The following GIT2 variants were observed in gnomAD, a reference collection of about 807,000 sequenced individuals.
GIT2 encodes the protein ARF GTPase-activating protein GIT2.
GIT2 carries 32 observed loss-of-function variants against 100.3 expected under a neutral mutation model. The observed-to-expected ratio is 0.32, with a 90% CI of 0.24 to 0.43. The LOEUF (loss-of-function observed/expected upper bound fraction) is 0.43. GIT2 is among the 20% of genes least tolerant of loss of function. The pLI is 1.00. For missense variants in GIT2, 737 were observed against 975.1 expected, an observed-to-expected ratio of 0.76 and a Z score of 3.25; for synonymous variants, 353 against 364.1, an observed-to-expected ratio of 0.97 and a Z score of 0.35.
At chr12:109,994,184 TAAGAC>T (rs1396308795) in intron 1 of GIT2, among the ~76,000 whole-genome samples, 5 of 151,990 alleles carry the variant, frequency 3.3e-5, no homozygotes, top group African/African-American at 1.2e-4. Flanking sequence ...ACATATTAAT[TAAGAC>T]AAGTATTCGA....
chr12:109,947,321 G>T lies in GIT2; in HGVS notation c.1576C>A (p.Leu526Ile). 3 of 1,614,102 alleles carry T rather than the reference G, an allele frequency of 1.9e-6. No individual in the cohort carries two copies. The highest frequency in any genetic ancestry group is 1.7e-5 in the Admixed American group (1 of 60,032). The change falls in exon 15 of 20, where the codon CTC becomes ATC. Residue 526 changes from leucine to isoleucine, a missense_variant. Leu to Ile is a conservative substitution (Grantham distance 5). Coordinates refer to ENST00000355312, the MANE Select transcript of GIT2 (RefSeq NM_057169.5). The surrounding 1 kb of genome is among the most constrained non-coding windows in gnomAD (Gnocchi z 4.3). ...YETGSGQKPY[L>I]PMGEASRPEE... is the part of the protein sequence containing the mutation. ...GGGCGGCTCGCTTCTCCCATTGGGA[G>T]ATATGGTTTCTGACCTGATCCGGTC...
chr12:109,988,959 C>CCACCTTGCTAAGATCTTTGGCAGT lies in GIT2; in HGVS notation c.385_405+3dup. ...TTTTAGGGATTTTAAAAGGTGTGAC[C>CCACCTTGCTAAGATCTTTGGCAGT]CACCTTGCTAAGATCTTTGGCAGTC... On this transcript the variant is annotated splice_donor_region_variant and intron_variant, in intron 4 of 19. Coordinates refer to ENST00000355312, the MANE Select transcript of GIT2 (RefSeq NM_057169.5). 1.9e-6 allele frequency: 3 copies of CCACCTTGCTAAGATCTTTGGCAGT among 1,538,594 alleles called. No homozygotes were observed. The highest frequency in any genetic ancestry group is 2.7e-6 in the Non-Finnish European group (3 of 1,111,206).
intron 7 of GIT2, among the ~76,000 whole-genome samples, chr12:109,979,493 T>C (rs1885862779): frequency 6.6e-6 from 1 of 152,086 alleles, no homozygotes; most frequent in Non-Finnish European, 1.5e-5. Context: ...CAGGATGATC[T>C]GGATCTCCTG....
chr12:109,992,775 G>A (rs887839000), intron 1 of GIT2, among the ~76,000 whole-genome samples: 9 of 151,598 alleles, frequency 5.9e-5, no homozygotes, highest in South Asian at 2.1e-4. Context: ...GGGTTCAAGC[G>A]ATTCTCCTGC....
rs1421320735 is a variant in GIT2 at position 109,930,033 on chromosome 12, T to C, written c.*2945A>G. ...ACCAGGACAAGGAAAGAAAGAAAAC[T>C]ATACTATTGGAAAGCTCATGGGTGC... On this transcript the variant is annotated 3_prime_UTR_variant, in exon 20 of 20. Transcript: ENST00000355312. The C allele has an allele frequency of 6.6e-6, 1 of 152,548 alleles. No homozygotes were observed. Among genetic ancestry groups the C allele is most frequent in the African/African-American group, 2.4e-5 (1 of 41,450 alleles). The allele number at this position is 152,548 out of a possible 1,614,324, so 9.4% of individuals were successfully genotyped here.
intron 16 of GIT2, among the ~76,000 whole-genome samples, chr12:109,943,835 G>A (rs961518902): frequency 2.6e-5 from 4 of 151,876 alleles, no homozygotes; most frequent in Admixed American, 2.0e-4. Flanking sequence ...GGGACTACAG[G>A]TGCACATCAA....
intron 7 of GIT2, among the ~76,000 whole-genome samples, chr12:109,967,894 T>A: frequency 6.6e-6 from 1 of 152,092 alleles, no homozygotes; most frequent in South Asian, 2.1e-4. Context: ...AATCTATTAG[T>A]ATAAAACAGC....
Position 109,933,758 on chromosome 12 carries a change from C to T in GIT2, c.2067+264G>A, listed in dbSNP as rs1427930331. 14 of 380,122 alleles carry T rather than the reference C, an allele frequency of 3.7e-5. No homozygotes were observed. The highest frequency in any genetic ancestry group is 6.5e-5 in the Non-Finnish European group (13 of 201,534). The allele number at this position is 380,122 out of a possible 1,614,324, so 23.5% of individuals were successfully genotyped here. On this transcript the variant is annotated intron_variant, in intron 19 of 19. Coordinates refer to ENST00000355312, the MANE Select transcript of GIT2 (RefSeq NM_057169.5). This position sits in a 1 kb window ranked among gnomAD's most constrained non-coding sequence, Gnocchi z 4.5. ...CTGGGATTACAGGCATGCACCACCA[C>T]GCCTGACTAATTTTGTATTTTTAGT...
chr12:109,983,376 G>C lies in GIT2; in HGVS notation c.620C>G (p.Ala207Gly). The stretch of plus-strand genomic sequence containing the variant: ...AGCGAGAATCTAGGTCTCTTACCTT[G>C]CATAATCAACGGGAGTTTTCCCACT... ...DSSGKTPVDY[A>G]RQGGHHELAE... Residue 207 changes from alanine (A) to glycine (G), a missense_variant, in exon 6 of 20, where the codon GCA becomes GGA. Ala to Gly is a moderately conservative substitution (Grantham distance 60, BLOSUM62 0). Transcript: ENST00000355312. The C allele has an allele frequency of 6.2e-7, 1 of 1,613,086 alleles. No homozygotes were observed. Among genetic ancestry groups the C allele is most frequent in the South Asian group, 1.1e-5 (1 of 90,748 alleles).
At position 109,947,049 on chromosome 12, in the gene GIT2, T is replaced by C. The variant is rs993700707; in HGVS notation, c.1641+207A>G. On this transcript the variant is annotated intron_variant, in intron 15 of 19. Transcript: ENST00000355312. The surrounding 1 kb of genome is among the most constrained non-coding windows in gnomAD (Gnocchi z 4.3). ...TCGGGCAAGAGCCAGAATCCCCAAC[T>C]TGGTTAGGAAACCATCAGCCCATGG... Among the ~76,000 whole-genome samples, 67 of 152,298 alleles carry C rather than the reference T, an allele frequency of 4.4e-4. No individual in the cohort carries two copies. The highest frequency in any genetic ancestry group is 1.6e-3 in the African/African-American group (66 of 41,558).
chr12:109,948,283 G>A lies in GIT2; in HGVS notation c.1393-779C>T, dbSNP rs1006701738. 2.6e-5 allele frequency: 26 copies of A among 986,638 alleles called. No homozygotes were observed. The highest frequency in any genetic ancestry group is 5.2e-4 in the Middle Eastern group (1 of 1,938). The allele number at this position is 986,638 out of a possible 1,614,324, so 61.1% of individuals were successfully genotyped here. On this transcript the variant is annotated intron_variant, in intron 14 of 19. Coordinates refer to ENST00000355312, the MANE Select transcript of GIT2 (RefSeq NM_057169.5). The surrounding 1 kb of genome is among the most constrained non-coding windows in gnomAD (Gnocchi z 4.3). ...CCGTCTGGTGAGTGATCATCTTTCG[G>A]CCAGGGCTGGAATATTTGGCCTTTC...
chr12:109,955,585 A>G (rs2136320832), intron 12 of GIT2, among the ~76,000 whole-genome samples: 2 of 152,352 alleles, frequency 1.3e-5, no homozygotes, highest in South Asian at 4.1e-4. Flanking sequence ...CATTGAACTC[A>G]TGGCCAACGG....
Position 109,987,421 on chromosome 12 carries a change from A to AATAG in GIT2, c.405+1538_405+1541dup, listed in dbSNP as rs1271448033. Among the ~76,000 whole-genome samples, 4 of 151,790 alleles carry AATAG rather than the reference A, an allele frequency of 2.6e-5. No homozygotes were observed. In the East Asian group the frequency reaches 7.7e-4, roughly 29 times the overall value. The stretch of plus-strand genomic sequence containing the variant: ...AAATAAATAAATAAATAAATAAATA[A>AATAG]ATAGAAGCAAAAGCAAAAACCACAT... On this transcript the variant is annotated intron_variant, in intron 4 of 19. Coordinates refer to ENST00000355312, the MANE Select transcript of GIT2 (RefSeq NM_057169.5).
chr12:109,959,602 G>C (rs1434020395), intron 12 of GIT2, among the ~76,000 whole-genome samples: 1 of 152,150 alleles, frequency 6.6e-6, no homozygotes, highest in Non-Finnish European at 1.5e-5. Flanking sequence ...GGGTGGGGCT[G>C]AGGGGAGGGA....
At chr12:109,985,058 AG>A (rs1887070004) in intron 4 of GIT2, among the ~76,000 whole-genome samples, 1 of 152,208 alleles carries the variant, frequency 6.6e-6, no homozygotes, top group Non-Finnish European at 1.5e-5. Context: ...AATCTAACCT[AG>A]AATTGTCCAA....
At chr12:109,961,744 G>A (rs1008103796) in intron 9 of GIT2, 59 bp from the exon 10 acceptor site, 25 of 993,336 alleles carry the variant, frequency 2.5e-5, no homozygotes, top group Admixed American at 3.4e-5. Flanking sequence ...GAGGACAAGA[G>A]GGAACTGCGA....
intron 7 of GIT2, 36 bp downstream of exon 7, chr12:109,980,916 C>G (rs1886195153): frequency 2.3e-6 from 3 of 1,280,854 alleles, no homozygotes; most frequent in South Asian, 1.2e-5. Flanking sequence ...ACCTTCCCAA[C>G]TGGAGATGTG....
rs1345382065 is a variant in GIT2, at chr12:109,983,592, A to C, written c.492+16T>G. 1 of 1,600,718 alleles carries C rather than the reference A, an allele frequency of 6.2e-7. No individual in the cohort carries two copies. The highest frequency in any genetic ancestry group is 2.2e-5 in the East Asian group (1 of 44,814). ...TCACTTAGTTTCAATATCTGAAGCA[A>C]TTCATGTTTTCTTACAGGATGAAAG... is the stretch of plus-strand genomic sequence containing the variant. On this transcript the variant is annotated intron_variant, in intron 5 of 19. Transcript: ENST00000355312.
chr12:109,949,917 C>T (rs143057258), intron 14 of GIT2, among the ~76,000 whole-genome samples: 153 of 152,302 alleles, frequency 1.0e-3, no homozygotes, highest in African/African-American at 2.9e-3. Context: ...AAAGAAAATA[C>T]AGGTCCTGTA....
Sources: gnomAD v4.1 joint callset for allele counts (sites outside exome capture counted in the v4.1 genomes callset) on GRCh38, gnomAD v4.1.1 for gene constraint, Gnocchi (gnomAD v3.1) non-coding constraint, MANE v1.5 for transcripts, NCBI Gene and HGNC (gene_info 2026-07-23, HGNC 2026-07-21) for gene names.